The following PRKD2 variants were observed in gnomAD, a reference collection of about 807,000 sequenced individuals.
PRKD2 encodes protein kinase D2, also known as serine/threonine-protein kinase D2.
A neutral mutation model predicts 86.0 loss-of-function variants in PRKD2; 22 were observed. That is an observed-to-expected ratio of 0.26 (90% CI 0.18 to 0.37). The LOEUF (loss-of-function observed/expected upper bound fraction) is 0.37, where lower values mean the gene tolerates loss of function less well. Ranked by LOEUF, PRKD2 falls within the 10% of genes least tolerant of loss-of-function variation. The pLI, the probability that PRKD2 is intolerant of heterozygous loss-of-function variation, is 1.00. For missense variants in PRKD2, 818 were observed against 1,199.2 expected, an observed-to-expected ratio of 0.68 and a Z score of 4.70; for synonymous variants, 509 against 510.9, an observed-to-expected ratio of 1.00 and a Z score of 0.05.
At position 46,714,479 on chromosome 19, in the gene PRKD2, G is replaced by GGGGC. The variant is rs2053855842; in HGVS notation, c.241-479_241-478insGCCC. On this transcript the variant is annotated intron_variant, in intron 1 of 17. Coordinates refer to ENST00000291281, the MANE Select transcript of PRKD2 (RefSeq NM_016457.5). The stretch of plus-strand genomic sequence containing the variant: ...ACTTTTCGGGGCTCCTGGGAAAGTG[G>GGGGC]GGGGGGGGGCCGGGGGACTTGGACT... 1.3e-5 allele frequency: 2 copies of GGGGC among 151,550 alleles called. 1 individual carries two copies. The highest frequency in any genetic ancestry group is 1.4e-4 in the Admixed American group (2 of 14,772). 9.4% of individuals were successfully genotyped at this position (151,550 alleles called of 1,614,324 possible).
intron 2 of PRKD2, among the ~76,000 whole-genome samples, chr19:46,711,738 A>C (rs1366065587): frequency 6.6e-6 from 1 of 152,162 alleles, no homozygotes; most frequent in Non-Finnish European, 1.5e-5. Flanking sequence ...AAATTAAAAA[A>C]TTTTTAATTA....
intron 3 of PRKD2, among the ~76,000 whole-genome samples, chr19:46,705,630 T>TA (rs2053703442): frequency 6.6e-6 from 1 of 151,994 alleles, no homozygotes; most frequent in Admixed American, 6.6e-5. Context: ...CTACTAAAAA[T>TA]ACAAAACTTA....
chr19:46,680,788 T>C (rs914075497), intron 15 of PRKD2, among the ~76,000 whole-genome samples: 1 of 140,992 alleles, frequency 7.1e-6, no homozygotes. Context: ...ACTTCAGACT[T>C]GAACTCCTGG....
intron 13 of PRKD2, 73 bp from the exon 14 acceptor site, chr19:46,689,771 C>CAGGAGGATGACAAACAAGG: frequency 6.5e-7 from 1 of 1,546,710 alleles, no homozygotes; most frequent in Non-Finnish European, 8.8e-7. Flanking sequence ...GGTATAGGAG[C>CAGGAGGATGACAAACAAGG]AGGAGGATGA....
Position 46,674,559 on chromosome 19 carries a change from G to T in PRKD2, c.2601C>A (p.Asp867Glu), listed in dbSNP as rs772173802. Residue 867 changes from aspartate to glutamate, a missense_variant, in exon 18 of 18, where the codon GAC (aspartate) becomes GAA (glutamate). By Grantham distance (45) the Asp-to-Glu change is conservative. Transcript: ENST00000291281. ...LGGACPPQDH[D>E]MQGLAERISV... is the part of the protein sequence containing the mutation. ...TGATGCGCTCCGCCAGCCCCTGCAT[G>T]TCGTGGTCCTGTGGTGGACAGGCCC... 6.2e-7 allele frequency: 1 copy of T among 1,612,966 alleles called. No homozygotes were observed. Among genetic ancestry groups the T allele is most frequent in the Admixed American group, 1.7e-5 (1 of 60,010 alleles).
chr19:46,714,539 C>T (rs530327462), intron 1 of PRKD2: 1 of 151,688 alleles, frequency 6.6e-6, no homozygotes, highest in African/African-American at 2.4e-5. Context: ...CGCCTGCCAC[C>T]CAATGCTCAA....
intron 3 of PRKD2, among the ~76,000 whole-genome samples, chr19:46,706,892 CT>C (rs574385292): frequency 0.12 from 16,530 of 134,040 alleles, 658 homozygotes; most frequent in African/African-American, 0.13. Context: ...AACTGGATTT[CT>C]TTTTTTTTTT....
At position 46,704,203 on chromosome 19, in the gene PRKD2, G is replaced by A; in HGVS notation, c.855C>T (p.Leu285=). 6.2e-7 allele frequency: 1 copy of A among 1,614,148 alleles called. No homozygotes were observed. Among genetic ancestry groups the A allele is most frequent in the African/African-American group, 1.3e-5 (1 of 75,040 alleles). The change falls in exon 5 of 18, where the codon CTC becomes CTT. Residue 285 remains leucine, a synonymous_variant. Coordinates refer to ENST00000291281, the MANE Select transcript of PRKD2 (RefSeq NM_016457.5). ...PTVCQACKKL[L]KGLFRQGLQC... ...GCAGGCCCTGCCGGAAGAGGCCCTT[G>A]AGGAGTTTCTTGCAAGCCTGGCAAA... is the stretch of plus-strand genomic sequence containing the variant.
chr19:46,681,967 A>C (rs891187193), intron 14 of PRKD2, among the ~76,000 whole-genome samples: 1 of 151,760 alleles, frequency 6.6e-6, no homozygotes, highest in African/African-American at 2.4e-5. Flanking sequence ...CAGCCTCCCA[A>C]GTAGCTGGGA....
chr19:46,675,168 C>A (rs369262651), intron 16 of PRKD2, 50 bp from the exon 17 acceptor site: 4 of 1,509,180 alleles, frequency 2.7e-6, no homozygotes, highest in Middle Eastern at 1.7e-4. Flanking sequence ...AGGGTCACTC[C>A]TCCTCCAATA....
At chr19:46,714,027 G>T in intron 1 of PRKD2, 26 bp from the exon 2 acceptor site, 1 of 1,609,870 alleles carries the variant, frequency 6.2e-7, no homozygotes, top group South Asian at 1.1e-5. Flanking sequence ...GGGATGTGGC[G>T]ACGGAAAAGC....
chr19:46,710,833 T>G, intron 3 of PRKD2, 74 bp downstream of exon 3: 1 of 1,445,986 alleles, frequency 6.9e-7, no homozygotes. Context: ...GCTGTCCCCG[T>G]GCCAGGACCA....
At chr19:46,703,957 CAACACACACACACACACA>C (rs973474102) in intron 5 of PRKD2, among the ~76,000 whole-genome samples, 194 bp downstream of exon 5, 10 of 39,166 alleles carry the variant, frequency 2.6e-4, no homozygotes, top group African/African-American at 1.3e-3. Flanking sequence ...AAAACAACAA[CAACACACACACACACACA>C]CACACACACA....
intron 15 of PRKD2, among the ~76,000 whole-genome samples, chr19:46,680,940 ATATATATTTTTT>A (rs2053291279): frequency 2.0e-5 from 1 of 51,078 alleles, no homozygotes; most frequent in African/African-American, 6.2e-5. Context: ...ATATATATAT[ATATATATTTTTT>A]TTTTTTTTTT....
At chr19:46,714,639 G>C (rs1274028584) in intron 1 of PRKD2, 1 of 152,388 alleles carries the variant, frequency 6.6e-6, no homozygotes, top group Admixed American at 6.5e-5. Flanking sequence ...CCCCGGTGGG[G>C]CCTCGGGAAG....
chr19:46,715,993 C>T (rs2053876479), intron 1 of PRKD2, 138 bp downstream of exon 1: 1 of 1,326,422 alleles, frequency 7.5e-7, no homozygotes, highest in South Asian at 1.6e-5. Context: ...TGGAGGGGGG[C>T]AATGCCCCCT....
chr19:46,683,659 AG>A (rs2053349423), intron 14 of PRKD2, among the ~76,000 whole-genome samples: 1 of 152,052 alleles, frequency 6.6e-6, no homozygotes, highest in African/African-American at 2.4e-5. Context: ...TGGAGGTTGC[AG>A]TGAGTCGACA....
At chr19:46,691,842 A>C in intron 11 of PRKD2, 35 bp from the exon 12 acceptor site, 1 of 1,613,080 alleles carries the variant, frequency 6.2e-7, no homozygotes, top group Non-Finnish European at 8.5e-7. Context: ...CAGGGGTGCA[A>C]ATGGAAATGG....
At chr19:46,709,084 C>G (rs2053763947) in intron 3 of PRKD2, among the ~76,000 whole-genome samples, 1 of 145,148 alleles carries the variant, frequency 6.9e-6, no homozygotes, top group Admixed American at 7.3e-5. Context: ...TCAAGTGATT[C>G]TCCTACCTCA....
Sources: gnomAD v4.1 joint callset for allele counts (sites outside exome capture counted in the v4.1 genomes callset) on GRCh38, gnomAD v4.1.1 for gene constraint, MANE v1.5 for transcripts, NCBI Gene and HGNC (gene_info 2026-07-23, HGNC 2026-07-21) for gene names.